MTREX: variants seen among roughly 807,000 people sequenced by gnomAD.
The protein encoded by MTREX is exosome RNA helicase MTR4.
A neutral mutation model predicts 135.4 loss-of-function variants in MTREX; 76 were observed. The observed-to-expected ratio is 0.56, with a 90% CI of 0.47 to 0.68. The LOEUF is 0.68. MTREX is among the 30% of genes least tolerant of loss of function. The probability of loss-of-function intolerance (pLI) is 0.00; values close to 1 mark genes in which losing one functional copy is unlikely to be tolerated. For missense variants in MTREX, 920 were observed against 1,262.1 expected (o/e 0.73, Z 4.11); for synonymous variants, 404 against 401.6 (o/e 1.01, Z -0.07).
chr5:55,397,849 AT>A (rs1019150031), intron 20 of MTREX, among the ~76,000 whole-genome samples: 6 of 152,174 alleles, frequency 3.9e-5, no homozygotes, highest in African/African-American at 9.7e-5. Flanking sequence ...ACATTTAACC[AT>A]TTTTTAATAT....
chr5:55,414,462 T>C (rs915443063), intron 24 of MTREX, among the ~76,000 whole-genome samples: 71 of 152,174 alleles, frequency 4.7e-4, no homozygotes, highest in African/African-American at 1.6e-3. Flanking sequence ...ATTATTGTAA[T>C]GAACTGTATA....
At chr5:55,418,383 T>C (rs1479316713) in intron 25 of MTREX, among the ~76,000 whole-genome samples, 1 of 149,276 alleles carries the variant, frequency 6.7e-6, no homozygotes, top group African/African-American at 2.5e-5. Context: ...GTAGAAGTTA[T>C]CACAGTATGG....
intron 3 of MTREX, 22 bp from the exon 4 acceptor site, chr5:55,327,694 T>C (rs755483829): frequency 3.1e-6 from 5 of 1,598,370 alleles, no homozygotes; most frequent in Non-Finnish European, 4.3e-6. Flanking sequence ...AGGTTTTTTT[T>C]TCTTTTTTAC....
intron 21 of MTREX, among the ~76,000 whole-genome samples, chr5:55,404,193 G>A (rs1315259128): frequency 1.3e-5 from 2 of 151,876 alleles, no homozygotes; most frequent in Non-Finnish European, 2.9e-5. Flanking sequence ...CATTATCTTC[G>A]GATTTCAACT....
intron 19 of MTREX, among the ~76,000 whole-genome samples, chr5:55,391,445 T>C (rs1016567414): frequency 1.1e-4 from 16 of 152,140 alleles, no homozygotes; most frequent in African/African-American, 3.9e-4. Flanking sequence ...AGACCCTCTC[T>C]CAAAAAAATC....
Position 55,379,201 on chromosome 5 carries a change from CT to C in MTREX, c.2052+7del. 6.6e-7 allele frequency: 1 copy of C among 1,520,962 alleles called. No individual in the cohort carries two copies. Among genetic ancestry groups the C allele is most frequent in the Non-Finnish European group, 9.1e-7 (1 of 1,098,960 alleles). 94.2% of individuals were successfully genotyped at this position (1,520,962 alleles called of 1,614,324 possible). A position where few individuals can be genotyped will look rare whatever the true frequency, so the allele number is the denominator to read the frequency against. On this transcript the variant is annotated splice_region_variant and intron_variant, in intron 18 of 26. Transcript: ENST00000230640. ...CAAAAAAGTCAAATGTTAAGGTAAACTATTATCTTTAAATTAGAATTGTATA... is the reference window on the plus strand; with the variant it reads ...CAAAAAAGTCAAATGTTAAGGTAAACATTATCTTTAAATTAGAATTGTATA...
Position 55,425,095 on chromosome 5 carries a change from C to CAGA in MTREX, c.*326_*328dup, listed in dbSNP as rs1751136957. On this transcript the variant is annotated 3_prime_UTR_variant, in exon 27 of 27. Coordinates refer to ENST00000230640, the MANE Select transcript of MTREX (RefSeq NM_015360.5). ...GTGCATCCAAGAGGCATAGCAGCAG[C>CAGA]AGAAGTCTTTAAAGGCTTGTACACC... 7.3e-7 allele frequency: 1 copy of CAGA among 1,371,192 alleles called. No individual in the cohort carries two copies. Among genetic ancestry groups the CAGA allele is most frequent in the Admixed American group, 2.3e-5 (1 of 43,848 alleles). The allele number at this position is 1,371,192 out of a possible 1,614,324, so 84.9% of individuals were successfully genotyped here.
chr5:55,405,604 T>G lies in MTREX; in HGVS notation c.2645+16T>G. Reference sequence around the variant, plus strand: ...AGATAAGCAGGTAAAATCTGGTTATTGTTCTAGAAAGTTCATTTTTTTTTT... The same window carrying G: ...AGATAAGCAGGTAAAATCTGGTTATGGTTCTAGAAAGTTCATTTTTTTTTT... On this transcript the variant is annotated intron_variant, in intron 22 of 26. Coordinates refer to ENST00000230640, the MANE Select transcript of MTREX (RefSeq NM_015360.5). The G allele has an allele frequency of 1.3e-6, 2 of 1,559,520 alleles. No individual in the cohort carries two copies. The highest frequency in any genetic ancestry group is 1.7e-6 in the Non-Finnish European group (2 of 1,155,430).
chr5:55,338,982 G>A (rs1749599265), intron 5 of MTREX, among the ~76,000 whole-genome samples: 1 of 151,446 alleles, frequency 6.6e-6, no homozygotes, highest in Non-Finnish European at 1.5e-5. Flanking sequence ...GTAGAGACAG[G>A]GTTTCCCCAT....
chr5:55,371,867 T>G (rs1456619268), intron 16 of MTREX, among the ~76,000 whole-genome samples: 1 of 151,852 alleles, frequency 6.6e-6, no homozygotes, highest in Non-Finnish European at 1.5e-5. Context: ...GTAGTTAGAG[T>G]CCTGGACTCT....
chr5:55,352,031 G>T (rs1749838240), intron 13 of MTREX, among the ~76,000 whole-genome samples: 2 of 150,436 alleles, frequency 1.3e-5, no homozygotes, highest in South Asian at 4.2e-4. Flanking sequence ...TTTTTGTTTT[G>T]TTTTGTTTTG....
At chr5:55,385,212 GGTGGAGGGTTGGGGTGTAGCCTCAGGT>G (rs1313251125) in intron 18 of MTREX, among the ~76,000 whole-genome samples, 2 of 152,166 alleles carry the variant, frequency 1.3e-5, no homozygotes, top group Non-Finnish European at 1.5e-5. Context: ...CAGGGGCATA[GGTGGAGGGTTGGGGTGTAGCCTCAGGT>G]ATTTTCATCT....
At position 55,425,057 on chromosome 5, in the gene MTREX, G is replaced by A. The variant is rs1579910019; in HGVS notation, c.*285G>A. On this transcript the variant is annotated 3_prime_UTR_variant, in exon 27 of 27. Coordinates refer to ENST00000230640, the MANE Select transcript of MTREX (RefSeq NM_015360.5). ...TAACCACTGAGTTAAAGGTAACTAT[G>A]TACACACAAAGTGTGCATCCAAGAG... The A allele has an allele frequency of 9.3e-7, 1 of 1,074,222 alleles. No individual in the cohort carries two copies. Among genetic ancestry groups the A allele is most frequent in the East Asian group, 2.4e-5 (1 of 42,012 alleles). 66.5% of individuals were successfully genotyped at this position (1,074,222 alleles called of 1,614,324 possible).
At chr5:55,381,288 T>C (rs1750393291) in intron 18 of MTREX, among the ~76,000 whole-genome samples, 1 of 152,146 alleles carries the variant, frequency 6.6e-6, no homozygotes. Flanking sequence ...TTCTTCTGGC[T>C]ACAGGTTCAG....
At chr5:55,344,731 G>T (rs891155464) in intron 9 of MTREX, 111 bp downstream of exon 9, 4 of 626,230 alleles carry the variant, frequency 6.4e-6, no homozygotes, top group East Asian at 6.1e-5. Flanking sequence ...AGATACATTT[G>T]TTTGTCTTAG....
intron 15 of MTREX, among the ~76,000 whole-genome samples, chr5:55,359,892 G>C (rs1749980694): frequency 1.3e-5 from 2 of 152,090 alleles, no homozygotes. Context: ...TAAGTGTAAA[G>C]TTCTATCACC....
At chr5:55,406,659 A>G (rs1477299419) in intron 22 of MTREX, among the ~76,000 whole-genome samples, 1 of 152,156 alleles carries the variant, frequency 6.6e-6, no homozygotes, top group Non-Finnish European at 1.5e-5. Flanking sequence ...GCTTTCTGTG[A>G]TAATTGGATT....
At chr5:55,320,681 G>A (rs988103494) in intron 1 of MTREX, among the ~76,000 whole-genome samples, 2 of 152,108 alleles carry the variant, frequency 1.3e-5, no homozygotes, top group East Asian at 1.9e-4. Context: ...AACAACATGT[G>A]TTAGTTTTTT....
chr5:55,366,867 T>G lies in MTREX; in HGVS notation c.1802T>G (p.Val601Gly). The G allele has an allele frequency of 6.2e-7, 1 of 1,603,418 alleles. No homozygotes were observed. The highest frequency in any genetic ancestry group is 1.7e-4 in the Middle Eastern group (1 of 6,018). Residue 601 changes from valine (V) to glycine (G), a missense_variant, in exon 16 of 27, where the codon GTA becomes GGA. Val to Gly is a moderately radical substitution (Grantham distance 109). Coordinates refer to ENST00000230640, the MANE Select transcript of MTREX (RefSeq NM_015360.5). ...CAGCATTATAGAGCAATTCCAGGAG[T>G]AGTAGAGAGTAAGTATAAAATACCA... ...QFQHYRAIPG[V>G]VEKVKNSEEQ...
Sources: allele counts gnomAD v4.1 joint callset (sites outside exome capture counted in the v4.1 genomes callset), GRCh38; gene constraint gnomAD v4.1.1; transcripts MANE v1.5; gene names NCBI Gene and HGNC (gene_info 2026-07-23, HGNC 2026-07-21).